PDE4B: variants seen among roughly 807,000 people sequenced by gnomAD.
The protein encoded by PDE4B is 3',5'-cyclic-AMP phosphodiesterase 4B.
A neutral mutation model predicts 82.2 loss-of-function variants in PDE4B; 20 were observed. That is an observed-to-expected ratio of 0.24 (90% CI 0.17 to 0.35). The LOEUF (loss-of-function observed/expected upper bound fraction) is 0.35, where lower values mean the gene tolerates loss of function less well. Among genes scored for constraint, PDE4B ranks in the 10% least tolerant of loss-of-function variants. PDE4B has a pLI of 1.00. For synonymous variants in PDE4B, 320 were observed against 318.9 expected, an observed-to-expected ratio of 1.00 and a Z score of -0.04; for missense variants, 655 against 907.2, an observed-to-expected ratio of 0.72 and a Z score of 3.57.
rs57662381 is a variant in PDE4B at position 65,850,110 on chromosome 1, C to CTTTTT, written c.-71+56880_-71+56884dup. On this transcript the variant is annotated intron_variant, in intron 1 of 16. Coordinates refer to ENST00000341517, the MANE Select transcript of PDE4B (RefSeq NM_002600.4). ...CAACGCTTAGTAGTATTGCCCTGCA[C>CTTTTT]TTTTTTTTTTTTTTTTTTTTTTGAG... Among the ~76,000 whole-genome samples the CTTTTT allele has an allele frequency of 1.6e-4, 16 of 97,474 alleles. 1 individual carries two copies. The highest frequency in any genetic ancestry group is 3.6e-4 in the South Asian group (1 of 2,748). The allele number at this position is 97,474 out of a possible 152,430, so 63.9% of individuals were successfully genotyped here. A position where few individuals can be genotyped will look rare whatever the true frequency, so the allele number is the denominator to read the frequency against.
At chr1:66,332,396 G>A (rs1660183512) in intron 7 of PDE4B, 112 bp from the exon 8 acceptor site, 1 of 1,613,826 alleles carries the variant, frequency 6.2e-7, no homozygotes, top group Non-Finnish European at 8.5e-7. Flanking sequence ...AATAATGAAG[G>A]AGCACGGGGG....
chr1:66,132,468 T>C (rs1645969167), intron 3 of PDE4B, among the ~76,000 whole-genome samples: 1 of 152,212 alleles, frequency 6.6e-6, no homozygotes, highest in Admixed American at 6.5e-5. Context: ...GCTCCGTATT[T>C]TGTGATGGCA....
chr1:66,349,278 G>A (rs1280528692), intron 8 of PDE4B, among the ~76,000 whole-genome samples: 1 of 152,114 alleles, frequency 6.6e-6, no homozygotes, highest in Non-Finnish European at 1.5e-5. Context: ...TGATTCTATT[G>A]TTGCTTCATC....
chr1:66,122,870 T>G (rs1645741852), intron 3 of PDE4B, among the ~76,000 whole-genome samples: 1 of 151,766 alleles, frequency 6.6e-6, no homozygotes. Context: ...CACGCCTGGC[T>G]AATTTTTGTA....
At chr1:65,815,054 TTTATTTATTTA>T (rs552409566) in intron 1 of PDE4B, among the ~76,000 whole-genome samples, 4,100 of 142,836 alleles carry the variant, frequency 0.029, 159 homozygotes, top group East Asian at 0.076. Flanking sequence ...TATTTATTTA[TTTATTTATTTA>T]TTATTATTAT....
intron 1 of PDE4B, among the ~76,000 whole-genome samples, chr1:65,850,242 G>T (rs1347439193): frequency 6.6e-6 from 1 of 150,906 alleles, no homozygotes; most frequent in East Asian, 2.0e-4. Flanking sequence ...GATTACAGGC[G>T]CCTGCCACCA....
chr1:66,118,747 A>G (rs1329217030), intron 3 of PDE4B, among the ~76,000 whole-genome samples: 1 of 152,128 alleles, frequency 6.6e-6, no homozygotes, highest in Non-Finnish European at 1.5e-5. Flanking sequence ...TATTTCATTG[A>G]CAGATTGTCT....
chr1:65,880,934 C>T (rs1646701612), intron 1 of PDE4B, among the ~76,000 whole-genome samples: 2 of 152,070 alleles, frequency 1.3e-5, no homozygotes, highest in South Asian at 4.1e-4. Context: ...AGCCTATTTT[C>T]CTTTAATTAC....
chr1:66,284,617 C>T (rs904049377), intron 7 of PDE4B, among the ~76,000 whole-genome samples: 1 of 152,080 alleles, frequency 6.6e-6, no homozygotes, highest in African/African-American at 2.4e-5. Flanking sequence ...AAGATCATTG[C>T]AGTGAATAAC....
intron 1 of PDE4B, among the ~76,000 whole-genome samples, chr1:65,840,501 C>T (rs566857521): frequency 1.5e-3 from 221 of 152,068 alleles, no homozygotes; most frequent in African/African-American, 4.9e-3. Context: ...TTTAGCATTT[C>T]TTAATATTAT....
intron 1 of PDE4B, among the ~76,000 whole-genome samples, chr1:65,814,459 G>A (rs936916203): frequency 6.6e-6 from 1 of 151,916 alleles, no homozygotes; most frequent in African/African-American, 2.4e-5. Context: ...AAACTTTATT[G>A]AGATACTGCT....
intron 3 of PDE4B, among the ~76,000 whole-genome samples, chr1:66,164,380 C>CA (rs970575155): frequency 2.6e-5 from 4 of 150,948 alleles, no homozygotes; most frequent in Non-Finnish European, 5.9e-5. Flanking sequence ...ACTAAAAATA[C>CA]AAAAAAATAG....
At chr1:66,190,227 G>T (rs1647643563) in intron 3 of PDE4B, among the ~76,000 whole-genome samples, 1 of 152,182 alleles carries the variant, frequency 6.6e-6, no homozygotes, top group African/African-American at 2.4e-5. Flanking sequence ...GGCCGTGTGA[G>T]ATGTCAGTCT....
At chr1:65,840,525 A>G (rs944091017) in intron 1 of PDE4B, among the ~76,000 whole-genome samples, 1 of 152,206 alleles carries the variant, frequency 6.6e-6, no homozygotes, top group African/African-American at 2.4e-5. Context: ...AAGCATTAAC[A>G]ATACTAAACA....
At chr1:66,112,086 G>T (rs977579865) in intron 3 of PDE4B, among the ~76,000 whole-genome samples, 1 of 152,088 alleles carries the variant, frequency 6.6e-6, no homozygotes, top group Non-Finnish European at 1.5e-5. Flanking sequence ...TATATACATT[G>T]AGTACTTGTT....
intron 7 of PDE4B, among the ~76,000 whole-genome samples, chr1:66,286,567 A>T (rs1227208394): frequency 6.6e-6 from 1 of 152,166 alleles, no homozygotes; most frequent in African/African-American, 2.4e-5. Context: ...TTTGCTCTGT[A>T]TACATTTGGG....
intron 3 of PDE4B, among the ~76,000 whole-genome samples, chr1:66,029,495 A>G (rs961022609): frequency 6.6e-6 from 1 of 152,216 alleles, no homozygotes; most frequent in Non-Finnish European, 1.5e-5. Context: ...TTATATTACA[A>G]ATATTTTACA....
intron 7 of PDE4B, among the ~76,000 whole-genome samples, chr1:66,296,259 C>A (rs1657507056): frequency 6.6e-6 from 1 of 152,090 alleles, no homozygotes. Flanking sequence ...TTGGCACATA[C>A]CTGATTAATA....
intron 3 of PDE4B, among the ~76,000 whole-genome samples, chr1:66,029,071 C>T (rs954263525): frequency 2.6e-5 from 4 of 152,118 alleles, no homozygotes; most frequent in Admixed American, 1.3e-4. Context: ...CTTATAAAGA[C>T]ATAACCAAGA....
Sources: gnomAD v4.1 joint callset for allele counts (sites outside exome capture counted in the v4.1 genomes callset) on GRCh38, gnomAD v4.1.1 for gene constraint, MANE v1.5 for transcripts, NCBI Gene and HGNC (gene_info 2026-07-23, HGNC 2026-07-21) for gene names.